NXN: variants seen among roughly 807,000 people sequenced by gnomAD.
NXN encodes the protein nucleoredoxin.
NXN carries 16 observed loss-of-function variants against 48.6 expected under a neutral mutation model. The ratio of observed to expected loss-of-function variants is 0.33; its 90% CI spans 0.22 to 0.50. The LOEUF (loss-of-function observed/expected upper bound fraction) is 0.50. NXN is among the 20% of genes least tolerant of loss of function. The pLI is 0.98. For synonymous variants in NXN, 281 were observed against 269.6 expected (o/e 1.04, Z -0.41); for missense variants, 492 against 605.5 (o/e 0.81, Z 1.97).
chr17:854,680 C>T (rs961464498), intron 1 of NXN, among the ~76,000 whole-genome samples: 10 of 146,372 alleles, frequency 6.8e-5, no homozygotes, highest in Admixed American at 2.7e-4. Context: ...AAATTGCAGC[C>T]GGGCACGGTG....
At chr17:948,298 G>A (rs764307808) in intron 1 of NXN, among the ~76,000 whole-genome samples, 8 of 151,600 alleles carry the variant, frequency 5.3e-5, no homozygotes, top group Non-Finnish European at 8.8e-5. Context: ...AATATCTCAC[G>A]TCCACCATAA....
At chr17:900,808 A>G (rs2068530037) in intron 1 of NXN, among the ~76,000 whole-genome samples, 1 of 151,996 alleles carries the variant, frequency 6.6e-6, no homozygotes, top group African/African-American at 2.4e-5. Flanking sequence ...ATTATTCTGC[A>G]GAGACGTTAT....
At chr17:827,216 C>T (rs1382515181) in intron 1 of NXN, among the ~76,000 whole-genome samples, 1 of 152,138 alleles carries the variant, frequency 6.6e-6, no homozygotes, top group African/African-American at 2.4e-5. Context: ...TGGTGGCTCA[C>T]ATCTGTAATC....
rs1361027875 is a variant in NXN, at chr17:822,814, T to C, written c.613-357A>G. On this transcript the variant is annotated intron_variant, in intron 3 of 7. Transcript: ENST00000336868. ...TCATCCACATGGATTGAGAGAAATA[T>C]CCAGGCTGGGTGCAGTGGCTCACGC... Among the ~76,000 whole-genome samples, 3 of 152,118 alleles carry C rather than the reference T, an allele frequency of 2.0e-5. No homozygotes were observed. The East Asian group carries it at 5.8e-4, about 29-fold the overall frequency.
At chr17:878,652 A>G (rs1239650793) in intron 1 of NXN, among the ~76,000 whole-genome samples, 1 of 152,098 alleles carries the variant, frequency 6.6e-6, no homozygotes, top group Admixed American at 6.5e-5. Context: ...GGAGCTGTGT[A>G]GACAGGGTGA....
intron 1 of NXN, among the ~76,000 whole-genome samples, chr17:851,783 C>T (rs909022679): frequency 5.9e-5 from 9 of 152,208 alleles, no homozygotes; most frequent in Admixed American, 2.0e-4. Flanking sequence ...CAGCACCACT[C>T]GCCATAAATA....
intron 1 of NXN, among the ~76,000 whole-genome samples, chr17:853,724 T>TA (rs61572573): frequency 0.18 from 12,174 of 68,594 alleles, 547 homozygotes; most frequent in Middle Eastern, 0.21. Context: ...TATATATATA[T>TA]TTTTTTTTTT....
chr17:841,505 ACACGGGCGAGCAGG>A (rs1914247789), intron 1 of NXN, among the ~76,000 whole-genome samples: 3 of 138,544 alleles, frequency 2.2e-5, no homozygotes, highest in South Asian at 2.3e-4. Context: ...GGCGCATCTC[ACACGGGCGAGCAGG>A]TCCCCCCGAC....
chr17:969,853 C>T (rs1016936388), intron 1 of NXN, among the ~76,000 whole-genome samples: 1 of 152,140 alleles, frequency 6.6e-6, no homozygotes, highest in Non-Finnish European at 1.5e-5. Context: ...ATCCCTAGGA[C>T]AGCAGAACTC....
chr17:945,112 C>T (rs1039184981), intron 1 of NXN, among the ~76,000 whole-genome samples: 6 of 152,066 alleles, frequency 3.9e-5, no homozygotes, highest in Non-Finnish European at 7.4e-5. Context: ...GACGGAGTCT[C>T]GCTCTGTGGC....
chr17:853,495 T>C (rs2067947491), intron 1 of NXN, among the ~76,000 whole-genome samples: 1 of 151,652 alleles, frequency 6.6e-6, no homozygotes, highest in African/African-American at 2.4e-5. Flanking sequence ...TGAAGTCTCT[T>C]TCCCACAGGG....
chr17:810,308 A>G (rs199939883), intron 5 of NXN, among the ~76,000 whole-genome samples: 41 of 114,654 alleles, frequency 3.6e-4, no homozygotes, highest in Middle Eastern at 5.1e-3. Context: ...CGAGTCTGTG[A>G]GTGGTGTGCA....
chr17:967,899 G>C (rs755345983), intron 1 of NXN, among the ~76,000 whole-genome samples: 46 of 151,988 alleles, frequency 3.0e-4, no homozygotes, highest in Non-Finnish European at 6.0e-4. Flanking sequence ...GTGAACCCAG[G>C]AGGCGGAGCT....
At chr17:964,573 TC>T (rs960463634) in intron 1 of NXN, among the ~76,000 whole-genome samples, 1 of 152,054 alleles carries the variant, frequency 6.6e-6, no homozygotes, top group African/African-American at 2.4e-5. Flanking sequence ...GAAACTGATT[TC>T]CCCCCAGGAA....
intron 1 of NXN, among the ~76,000 whole-genome samples, chr17:939,500 C>T (rs371922413): frequency 6.6e-6 from 1 of 152,174 alleles, no homozygotes; most frequent in East Asian, 1.9e-4. Context: ...TGCCCGCCAC[C>T]ACGCCTAATT....
intron 1 of NXN, among the ~76,000 whole-genome samples, chr17:899,884 T>C (rs912582431): frequency 6.6e-6 from 1 of 152,142 alleles, no homozygotes; most frequent in African/African-American, 2.4e-5. Flanking sequence ...AGTGAGACCC[T>C]GTCTCTAAAT....
intron 1 of NXN, among the ~76,000 whole-genome samples, chr17:835,746 G>A (rs8070842): frequency 0.09 from 6,946 of 77,368 alleles, 131 homozygotes; most frequent in Middle Eastern, 0.14. Context: ...GGTGGGATTC[G>A]TCAGCCCCCA....
intron 5 of NXN, among the ~76,000 whole-genome samples, chr17:806,103 C>T (rs1405581922): frequency 1.4e-5 from 2 of 141,552 alleles, no homozygotes; most frequent in Non-Finnish European, 3.1e-5. Context: ...AGGAGGACAG[C>T]TGACTGCAGC....
rs142118062 is a variant in NXN at position 935,340 on chromosome 17, G to A, written c.360+43979C>T. ...CGCAGGACTCTGCTCCAATTCCTTC[G>A]TATCTGGGAATCCTCTGGCACAAAA... On this transcript the variant is annotated intron_variant, in intron 1 of 7. Coordinates refer to ENST00000336868, the MANE Select transcript of NXN (RefSeq NM_022463.5). 6.0e-3 allele frequency among the ~76,000 whole-genome samples: 909 copies of A among 152,098 alleles called. 6 individuals are homozygous for A. The highest frequency in any genetic ancestry group is 0.02 in the African/African-American group (836 of 41,464).
Sources: gnomAD v4.1 joint callset for allele counts (sites outside exome capture counted in the v4.1 genomes callset) on GRCh38, gnomAD v4.1.1 for gene constraint, MANE v1.5 for transcripts, NCBI Gene and HGNC (gene_info 2026-07-23, HGNC 2026-07-21) for gene names.